Variants in PSCA observed in about 807,000 individuals in gnomAD.
PSCA encodes prostate stem cell antigen.
Under a neutral mutation model 7.9 loss-of-function variants are expected in PSCA, and 7 were observed. The observed-to-expected ratio is 0.89, with a 90% CI of 0.51 to 1.67. The LOEUF is 1.67. Ranked by LOEUF, PSCA falls within the 40% of genes most tolerant of loss-of-function variation. PSCA has a pLI of 0.00. For missense variants in PSCA, 151 were observed against 147.9 expected (o/e 1.02, Z -0.11); for synonymous variants, 61 against 68.3 (o/e 0.89, Z 0.53).
chr8:142,671,866 A>G (rs1215421595), intron 1 of PSCA, among the ~76,000 whole-genome samples: 1 of 151,298 alleles, frequency 6.6e-6, no homozygotes, highest in African/African-American at 2.4e-5. Flanking sequence ...CTGGGCTCCC[A>G]GCACCCTCCC....
At chr8:142,672,572 C>T (rs1554637471) in intron 1 of PSCA, among the ~76,000 whole-genome samples, 1 of 152,166 alleles carries the variant, frequency 6.6e-6, no homozygotes, top group African/African-American at 2.4e-5. Flanking sequence ...CCTCCCTCCC[C>T]CGGAAGGCTG....
chr8:142,680,917 A>C, intron 1 of PSCA: 1 of 496,608 alleles, frequency 2.0e-6, no homozygotes, highest in Non-Finnish European at 3.7e-6. Flanking sequence ...CCTCAGGCTA[A>C]GAAGTGGTTT....
At chr8:142,670,975 TAA>T (rs1359813711) in intron 1 of PSCA, among the ~76,000 whole-genome samples, 10 of 152,238 alleles carry the variant, frequency 6.6e-5, no homozygotes, top group African/African-American at 1.9e-4. Flanking sequence ...CCGTATACGT[TAA>T]GTCACTTCTA....
chr8:142,677,714 G>A (rs117707147), upstream of PSCA, among the ~76,000 whole-genome samples: 2,675 of 152,236 alleles, frequency 0.018, 38 homozygotes, highest in Non-Finnish European at 0.025. Flanking sequence ...ACATGGGCTG[G>A]AGGGCGTGTC....
chr8:142,674,065 T>G (rs868985636), intron 1 of PSCA, among the ~76,000 whole-genome samples: 1 of 146,732 alleles, frequency 6.8e-6, no homozygotes, highest in African/African-American at 2.6e-5. Flanking sequence ...TCAGCAGAGC[T>G]CAGATCCCCT....
Position 142,682,442 on chromosome 8 carries a change from C to T in PSCA, c.*310C>T. 1 of 641,340 alleles carries T rather than the reference C, an allele frequency of 1.6e-6. No individual in the cohort carries two copies. The allele number at this position is 641,340 out of a possible 1,614,324, so 39.7% of individuals were successfully genotyped here. A position where few individuals can be genotyped will look rare whatever the true frequency, so the allele number is the denominator to read the frequency against. ...ACCCTGTGCTCAGGCACCTCTTCCC[C>T]CAGGAAGCCTTCCCTGCCCACCCCA... On this transcript the variant is annotated 3_prime_UTR_variant, in exon 3 of 3. Transcript: ENST00000301258.
upstream of PSCA, among the ~76,000 whole-genome samples, chr8:142,678,009 C>T (rs1180665035): frequency 6.6e-6 from 1 of 152,094 alleles, no homozygotes; most frequent in Non-Finnish European, 1.5e-5. Flanking sequence ...TGCATCGTCC[C>T]TGCCCCCATC....
upstream of PSCA, among the ~76,000 whole-genome samples, chr8:142,677,420 T>C (rs1303118823): frequency 6.6e-6 from 1 of 152,122 alleles, no homozygotes; most frequent in East Asian, 1.9e-4. Flanking sequence ...TCACCAAACA[T>C]TCCCTGGCGG....
At chr8:142,674,056 C>A (rs942938115) in intron 1 of PSCA, among the ~76,000 whole-genome samples, 1 of 150,030 alleles carries the variant, frequency 6.7e-6, no homozygotes, top group Non-Finnish European at 1.5e-5. Context: ...AGTCTAACCT[C>A]AGCAGAGCTC....
upstream of PSCA, chr8:142,680,121 A>G: frequency 4.9e-6 from 1 of 204,110 alleles, no homozygotes; most frequent in Non-Finnish European, 1.0e-5. Flanking sequence ...CAGCTTCTAT[A>G]GGAGCACAGG....
At chr8:142,680,113 G>C (rs2976390), upstream of PSCA, 1 of 195,346 alleles carries the variant, frequency 5.1e-6, no homozygotes, top group Non-Finnish European at 1.1e-5. Context: ...GGGCGGCACA[G>C]CTTCTATAGG....
intron 1 of PSCA, 123 bp downstream of exon 1, chr8:142,680,686 G>C: frequency 7.5e-7 from 1 of 1,335,802 alleles, no homozygotes; most frequent in Non-Finnish European, 1.0e-6. Flanking sequence ...AAGGGGGTGA[G>C]GCTCTTGCCC....
rs911177874 is a variant in PSCA, at chr8:142,682,060, G to A, written c.273G>A (p.Leu91=). The A allele has an allele frequency of 3.7e-6, 6 of 1,610,648 alleles. No homozygotes were observed. Among genetic ancestry groups the A allele is most frequent in the Middle Eastern group, 1.7e-4 (1 of 6,056 alleles). ...DLCNASGAHA[L]QPAAAILALL... Reference sequence around the variant, plus strand: ...GCAACGCCAGCGGGGCCCATGCCCTGCAGCCGGCTGCTGCCATCCTTGCGC... The same window carrying A: ...GCAACGCCAGCGGGGCCCATGCCCTACAGCCGGCTGCTGCCATCCTTGCGC... The change falls in exon 3 of 3, where the codon CTG becomes CTA. Residue 91 remains leucine (L), a synonymous_variant. Coordinates refer to ENST00000301258, the MANE Select transcript of PSCA (RefSeq NM_005672.5).
chr8:142,677,414 C>T (rs1221069657), upstream of PSCA, among the ~76,000 whole-genome samples: 1 of 152,204 alleles, frequency 6.6e-6, no homozygotes, highest in African/African-American at 2.4e-5. Context: ...CAGACATCAC[C>T]AAACATTCCC....
chr8:142,672,275 T>TCCC (rs34175332), intron 1 of PSCA, among the ~76,000 whole-genome samples: 58,369 of 150,820 alleles, frequency 0.39, 11,368 homozygotes, highest in Admixed American at 0.46. Context: ...CCAACTGCCC[T>TCCC]CCCCAATCCA....
intron 2 of PSCA, 149 bp from the exon 3 acceptor site, chr8:142,681,772 G>A (rs587700467): frequency 1.2e-5 from 8 of 646,804 alleles, no homozygotes; most frequent in African/African-American, 3.6e-5. Context: ...GACCAGGGCC[G>A]AGACCAGGCC....
intron 1 of PSCA, chr8:142,680,854 C>G (rs148154178): frequency 3.6e-6 from 2 of 556,876 alleles, no homozygotes; most frequent in South Asian, 2.3e-5. Flanking sequence ...GACAGACTGA[C>G]GGATGGATGG....
chr8:142,676,564 T>C (rs933737177), upstream of PSCA: 12 of 152,328 alleles, frequency 7.9e-5, no homozygotes, highest in East Asian at 2.3e-3. Flanking sequence ...ATCCCCAAGA[T>C]GCATGGGGCT....
At chr8:142,671,825 C>A (rs1445723995) in intron 1 of PSCA, among the ~76,000 whole-genome samples, 1 of 152,202 alleles carries the variant, frequency 6.6e-6, no homozygotes, top group African/African-American at 2.4e-5. Flanking sequence ...AGCCCATGTG[C>A]CAGCTCACTC....
Sources: allele counts gnomAD v4.1 joint callset (sites outside exome capture counted in the v4.1 genomes callset), GRCh38; gene constraint gnomAD v4.1.1; transcripts MANE v1.5; gene names NCBI Gene and HGNC (gene_info 2026-07-23, HGNC 2026-07-21).